The following OR1F1 variants were observed in gnomAD, a reference collection of about 807,000 sequenced individuals.
The protein encoded by OR1F1 is olfactory receptor 1F1.
For synonymous variants in OR1F1, 184 were observed against 156.7 expected (o/e 1.17, Z -1.30); for missense variants, 493 against 376.3 (o/e 1.31, Z -2.57).
At chr16:3,197,350 A>T in the OR1F1 span, among the ~76,000 whole-genome samples, 2 of 152,146 alleles carry the variant, frequency 1.3e-5, no homozygotes, top group African/African-American at 4.8e-5. Context: ...ATTTTATTTG[A>T]ACAAATGTTT....
At chr16:3,197,130 C>A in the OR1F1 span, among the ~76,000 whole-genome samples, 1 of 152,002 alleles carries the variant, frequency 6.6e-6, no homozygotes, top group African/African-American at 2.4e-5. Flanking sequence ...CTCTCCTCAG[C>A]CTCCCACAGT....
chr16:3,200,428 G>C (rs1359528024), upstream of OR1F1, among the ~76,000 whole-genome samples: 2 of 152,120 alleles, frequency 1.3e-5, no homozygotes, highest in Non-Finnish European at 1.5e-5. Flanking sequence ...CCAATATGGT[G>C]AAACTCTGTC....
exon 1 of OR1F1, chr16:3,204,890 T>A: frequency 6.2e-7 from 1 of 1,614,192 alleles, no homozygotes; most frequent in Non-Finnish European, 8.5e-7. Flanking sequence ...CTTTGCATCC[T>A]GGCTTCTTAT....
the OR1F1 span, among the ~76,000 whole-genome samples, chr16:3,195,337 A>T: frequency 0.015 from 2,242 of 152,314 alleles, 53 homozygotes; most frequent in African/African-American, 0.05. Context: ...AAACAAACCA[A>T]AACAGCTACC....
the OR1F1 span, among the ~76,000 whole-genome samples, chr16:3,195,098 G>T: frequency 3.9e-5 from 6 of 152,344 alleles, no homozygotes; most frequent in Admixed American, 3.9e-4. Flanking sequence ...GCTCCGGGAA[G>T]CGCATCCCGG....
At chr16:3,191,398 C>G in the OR1F1 span, 4 of 152,080 alleles carry the variant, frequency 2.6e-5, no homozygotes, top group East Asian at 5.8e-4. Context: ...TGTAGGGGAC[C>G]CCCAGTGTGC....
At chr16:3,205,713 G>A (rs1035851772), downstream of OR1F1, among the ~76,000 whole-genome samples, 9 of 152,024 alleles carry the variant, frequency 5.9e-5, no homozygotes, top group African/African-American at 1.7e-4. Flanking sequence ...AAGATTTCAC[G>A]GACATTTATC....
chr16:3,204,277 G>A (rs769008678), exon 1 of OR1F1: 22 of 1,611,746 alleles, frequency 1.4e-5, no homozygotes, highest in African/African-American at 5.3e-5. Flanking sequence ...GAGTGTCTCC[G>A]AGTTCCTCCT....
At chr16:3,191,834 C>G in the OR1F1 span, among the ~76,000 whole-genome samples, 1 of 152,086 alleles carries the variant, frequency 6.6e-6, no homozygotes, top group African/African-American at 2.4e-5. Context: ...AGGGGCCTCT[C>G]CCCACTTTGT....
At chr16:3,204,115 G>C (rs1200858451), upstream of OR1F1, 3 of 667,594 alleles carry the variant, frequency 4.5e-6, no homozygotes, top group Non-Finnish European at 7.6e-6. Context: ...CCCCAGCAGG[G>C]TTGACAATAT....
At chr16:3,195,856 C>G in the OR1F1 span, among the ~76,000 whole-genome samples, 1 of 152,152 alleles carries the variant, frequency 6.6e-6, no homozygotes, top group Non-Finnish European at 1.5e-5. Flanking sequence ...ATGTGGCCCC[C>G]AGTACATCTG....
At chr16:3,196,344 G>C in the OR1F1 span, among the ~76,000 whole-genome samples, 4 of 152,166 alleles carry the variant, frequency 2.6e-5, no homozygotes, top group African/African-American at 9.7e-5. Flanking sequence ...GCAAGACTTA[G>C]GAGATGCTAA....
At chr16:3,191,439 C>T in the OR1F1 span, 1 of 152,148 alleles carries the variant, frequency 6.6e-6, no homozygotes, top group African/African-American at 2.4e-5. Flanking sequence ...CATTACGTCA[C>T]TTAGTTTCTA....
chr16:3,204,193 A>G, upstream of OR1F1: 1 of 1,396,034 alleles, frequency 7.2e-7, no homozygotes, highest in Non-Finnish European at 9.8e-7. Flanking sequence ...AGCATTTTCC[A>G]AGCTTTTGCA....
At chr16:3,192,055 G>T in the OR1F1 span, among the ~76,000 whole-genome samples, 298 of 152,166 alleles carry the variant, frequency 2.0e-3, 1 homozygote, top group Non-Finnish European at 3.8e-3. Context: ...AATCCCGGAC[G>T]AGCCCCTCTT....
chr16:3,197,566 C>A, the OR1F1 span, among the ~76,000 whole-genome samples: 1 of 95,908 alleles, frequency 1.0e-5, no homozygotes, highest in Non-Finnish European at 2.0e-5. Context: ...CATCTGACTA[C>A]AAGCTTAAAT....
At chr16:3,195,434 G>C in the OR1F1 span, among the ~76,000 whole-genome samples, 6 of 151,738 alleles carry the variant, frequency 4.0e-5, no homozygotes, top group Non-Finnish European at 8.9e-5. Context: ...CGGCGCGGTG[G>C]CTCAGAGAGG....
At chr16:3,196,864 TG>T in the OR1F1 span, among the ~76,000 whole-genome samples, 1 of 151,106 alleles carries the variant, frequency 6.6e-6, no homozygotes, top group African/African-American at 2.4e-5. Context: ...CCAGCTATTT[TG>T]TTGTTGTTGT....
chr16:3,206,403 C>T (rs1205532385), downstream of OR1F1, among the ~76,000 whole-genome samples: 1 of 152,116 alleles, frequency 6.6e-6, no homozygotes, highest in African/African-American at 2.4e-5. Flanking sequence ...TCTTTGTTCT[C>T]CTTTTTGCCC....
Sources: allele counts gnomAD v4.1 joint callset (sites outside exome capture counted in the v4.1 genomes callset), GRCh38; gene constraint gnomAD v4.1.1; transcripts MANE v1.5; gene names NCBI Gene and HGNC (gene_info 2026-07-23, HGNC 2026-07-21).